RAB37: variants seen among roughly 807,000 people sequenced by gnomAD.
The protein encoded by RAB37 is ras-related protein Rab-37.
A neutral mutation model predicts 33.1 loss-of-function variants in RAB37; 29 were observed. The observed-to-expected ratio is 0.88, with a 90% confidence interval of 0.65 to 1.20. The LOEUF is 1.20. Ranked by LOEUF, RAB37 falls within the 50% of genes most tolerant of loss-of-function variation. RAB37 has a pLI of 0.00. For synonymous variants in RAB37, 128 were observed against 119.5 expected, an observed-to-expected ratio of 1.07 and a Z score of -0.47; for missense variants, 299 against 301.1, an observed-to-expected ratio of 0.99 and a Z score of 0.05.
chr17:74,701,627 G>A (rs1029215276), intron 1 of RAB37, among the ~76,000 whole-genome samples: 2 of 152,148 alleles, frequency 1.3e-5, no homozygotes, highest in African/African-American at 2.4e-5. Context: ...GGAGGCTGAG[G>A]TGGGCAAATC....
chr17:74,700,435 C>T (rs934894449), intron 1 of RAB37, among the ~76,000 whole-genome samples: 1 of 152,138 alleles, frequency 6.6e-6, no homozygotes, highest in African/African-American at 2.4e-5. Flanking sequence ...CTCACCTCTT[C>T]CAGTCTTTGC....
At chr17:74,679,560 T>C (rs2031910419) in intron 1 of RAB37, among the ~76,000 whole-genome samples, 1 of 152,238 alleles carries the variant, frequency 6.6e-6, no homozygotes, top group South Asian at 2.1e-4. Context: ...ATGGTTTATT[T>C]CTGCAGCACT....
intron 1 of RAB37, among the ~76,000 whole-genome samples, chr17:74,709,504 T>C (rs941821462): frequency 4.6e-5 from 7 of 152,162 alleles, no homozygotes; most frequent in African/African-American, 1.7e-4. Flanking sequence ...CACTTTTTTG[T>C]ACATTTTATT....
chr17:74,742,046 G>A lies in RAB37; in HGVS notation c.205-208G>A, dbSNP rs1443597366. ...CCTCTTGCCCTGCTGTTGTGAGAAG[G>A]CAGTTACAGTCCTCAGAAGGGACGA... On this transcript the variant is annotated intron_variant, in intron 2 of 8. Coordinates refer to ENST00000392613, the MANE Select transcript of RAB37 (RefSeq NM_001006638.3). This position sits in a 1 kb window ranked among gnomAD's most constrained non-coding sequence, Gnocchi z 4.0. 6.6e-6 allele frequency among the ~76,000 whole-genome samples: 1 copy of A among 152,172 alleles called. No individual in the cohort carries two copies. Among genetic ancestry groups the A allele is most frequent in the Non-Finnish European group, 1.5e-5 (1 of 68,030 alleles).
intron 1 of RAB37, chr17:74,695,895 T>G (rs778434603): frequency 6.2e-7 from 1 of 1,601,124 alleles, no homozygotes; most frequent in African/African-American, 1.3e-5. Context: ...AGTCACAAGA[T>G]CTGTCTGTGG....
At chr17:74,695,124 G>T (rs34303409) in intron 1 of RAB37, 54,067 of 1,613,994 alleles carry the variant, frequency 0.033, 1,917 homozygotes, top group Admixed American at 0.13. Flanking sequence ...GCTGTATTCC[G>T]TGGGCTCCTC....
At chr17:74,719,381 G>T (rs752034293) in intron 1 of RAB37, among the ~76,000 whole-genome samples, 1 of 152,082 alleles carries the variant, frequency 6.6e-6, no homozygotes, top group Admixed American at 6.6e-5. Context: ...GCCCAGAGAG[G>T]TCGAGGCTGC....
At chr17:74,683,555 C>A (rs1255719185) in intron 1 of RAB37, among the ~76,000 whole-genome samples, 1 of 152,174 alleles carries the variant, frequency 6.6e-6, no homozygotes, top group African/African-American at 2.4e-5. Context: ...TAGAAGGGCC[C>A]TGCATTTGGT....
chr17:74,733,356 T>G (rs760779656), upstream of RAB37, among the ~76,000 whole-genome samples: 7 of 151,248 alleles, frequency 4.6e-5, no homozygotes, highest in Non-Finnish European at 1.0e-4. Flanking sequence ...GCATGTGTAT[T>G]TATGGTATGA....
chr17:74,677,988 G>A (rs746295024), intron 1 of RAB37, among the ~76,000 whole-genome samples: 9 of 152,184 alleles, frequency 5.9e-5, no homozygotes, highest in Non-Finnish European at 1.2e-4. Flanking sequence ...ACGTCCTTCA[G>A]TTTCAGGGCA....
At chr17:74,698,508 C>T (rs369736004) in intron 1 of RAB37, 23 of 1,594,816 alleles carry the variant, frequency 1.4e-5, no homozygotes, top group Non-Finnish European at 1.8e-5. Flanking sequence ...GCGTCCCCTG[C>T]ATCCCAGGCT....
intron 1 of RAB37, among the ~76,000 whole-genome samples, chr17:74,674,255 G>A (rs2031772020): frequency 6.6e-6 from 1 of 151,970 alleles, no homozygotes. Context: ...TTTGGCAGTT[G>A]TTGTTTTGTA....
At chr17:74,706,095 C>A (rs890922743) in intron 1 of RAB37, among the ~76,000 whole-genome samples, 5 of 151,772 alleles carry the variant, frequency 3.3e-5, no homozygotes, top group African/African-American at 4.8e-5. Context: ...GGGAAAGGGG[C>A]AAGAACAAAA....
Position 74,712,888 on chromosome 17 carries a change from G to A in RAB37, c.73-16368G>A, listed in dbSNP as rs200814939. ...GCATCTTCTCTTCAGACAGGTCCCC[G>A]TTCCCCTCAGTGGAGCCTGGCAGCA... On this transcript the variant is annotated intron_variant, in intron 1 of 7. Coordinates refer to the RAB37 transcript ENST00000340415. 415 of 1,613,148 alleles carry A rather than the reference G, an allele frequency of 2.6e-4. 1 individual carries two copies. The Admixed American group carries it at 2.8e-3, about 11-fold the overall frequency.
At chr17:74,698,525 C>T in intron 1 of RAB37, 1 of 1,572,928 alleles carries the variant, frequency 6.4e-7, no homozygotes, top group Non-Finnish European at 8.6e-7. Flanking sequence ...GGCTCACCAC[C>T]TGCCTCTCAG....
intron 1 of RAB37, among the ~76,000 whole-genome samples, chr17:74,716,959 C>T (rs556251236): frequency 6.6e-6 from 1 of 152,258 alleles, no homozygotes; most frequent in South Asian, 2.1e-4. Flanking sequence ...CATGGTGAAA[C>T]CCTGTCTCTA....
upstream of RAB37, among the ~76,000 whole-genome samples, chr17:74,732,705 GGTGTGTGGTGTGAC>G (rs2144038242): frequency 1.8e-5 from 1 of 55,528 alleles, no homozygotes; most frequent in Non-Finnish European, 4.0e-5. Context: ...TGATTTGAGG[GGTGTGTGGTGTGAC>G]GTGTGTGGTG....
chr17:74,735,535 C>G (rs1230322309), upstream of RAB37, among the ~76,000 whole-genome samples: 1 of 152,102 alleles, frequency 6.6e-6, no homozygotes, highest in Non-Finnish European at 1.5e-5. Context: ...GACTCCGTCT[C>G]CGGGAGCCCA....
rs1484315692 is a variant in RAB37, at chr17:74,729,568, GC to G, written c.183+205del. Among the ~76,000 whole-genome samples the G allele has an allele frequency of 6.6e-6, 1 of 151,964 alleles. No individual in the cohort carries two copies. The highest frequency in any genetic ancestry group is 1.9e-4 in the East Asian group (1 of 5,144). On this transcript the variant is annotated intron_variant, in intron 2 of 7. Coordinates refer to the RAB37 transcript ENST00000340415. This position sits in a 1 kb window ranked among gnomAD's most constrained non-coding sequence, Gnocchi z 4.2. ...TGCCCCTGGGTAGTCCAGGAACTCC[GC>G]CCACCTCTAGCCTCAAGCAGGAAGG...
Sources: allele counts gnomAD v4.1 joint callset (sites outside exome capture counted in the v4.1 genomes callset), GRCh38; gene constraint gnomAD v4.1.1; non-coding constraint Gnocchi (gnomAD v3.1); transcripts MANE v1.5; gene names NCBI Gene and HGNC (gene_info 2026-07-23, HGNC 2026-07-21).